SCHIP1: variants seen among roughly 807,000 people sequenced by gnomAD.
SCHIP1 encodes schwannomin interacting protein 1.
In SCHIP1, 8 loss-of-function variants were observed where a neutral mutation model predicts 29.7. The ratio of observed to expected loss-of-function variants is 0.27; its 90% CI spans 0.16 to 0.49. SCHIP1 has a LOEUF of 0.49. Among genes scored for constraint, SCHIP1 ranks in the 20% least tolerant of loss-of-function variants. The pLI is 0.99. For synonymous variants in SCHIP1, 76 were observed against 94.9 expected, an observed-to-expected ratio of 0.80 and a Z score of 1.16; for missense variants, 193 against 294.6, an observed-to-expected ratio of 0.66 and a Z score of 2.52.
the SCHIP1 span, among the ~76,000 whole-genome samples, chr3:159,418,870 G>A: frequency 2.0e-5 from 3 of 152,190 alleles, no homozygotes; most frequent in Non-Finnish European, 4.4e-5. Context: ...TTGATGTTAG[G>A]TAATGAAAAG....
chr3:159,729,160 A>G, the SCHIP1 span, among the ~76,000 whole-genome samples: 6 of 152,002 alleles, frequency 3.9e-5, no homozygotes, highest in African/African-American at 1.5e-4. Context: ...AAAAGAAAAG[A>G]AAAGAAAAAA....
chr3:159,488,038 T>C, the SCHIP1 span, among the ~76,000 whole-genome samples: 4 of 152,164 alleles, frequency 2.6e-5, no homozygotes, highest in Non-Finnish European at 5.9e-5. Context: ...TCCAAGAACC[T>C]GGCATGATGC....
At chr3:159,686,427 TG>T in the SCHIP1 span, among the ~76,000 whole-genome samples, 9 of 152,172 alleles carry the variant, frequency 5.9e-5, no homozygotes, top group Admixed American at 5.9e-4. Context: ...TGTTTTCAAG[TG>T]CTACGAGTAA....
the SCHIP1 span, among the ~76,000 whole-genome samples, chr3:159,732,059 T>C: frequency 6.6e-6 from 1 of 152,200 alleles, no homozygotes; most frequent in Non-Finnish European, 1.5e-5. Context: ...TTGGCCAGGC[T>C]GGTCCCGAAC....
chr3:159,370,073 T>A, the SCHIP1 span, among the ~76,000 whole-genome samples: 41 of 152,198 alleles, frequency 2.7e-4, no homozygotes, highest in Non-Finnish European at 5.4e-4. Context: ...TTTCTACACA[T>A]GCACATTTAT....
At chr3:159,399,487 T>C in the SCHIP1 span, among the ~76,000 whole-genome samples, 1 of 152,146 alleles carries the variant, frequency 6.6e-6, no homozygotes, top group South Asian at 2.1e-4. Context: ...TCTCAATAAA[T>C]ATTTGTTGTC....
chr3:159,697,838 A>T, the SCHIP1 span, among the ~76,000 whole-genome samples: 1 of 152,268 alleles, frequency 6.6e-6, no homozygotes, highest in Non-Finnish European at 1.5e-5. Context: ...GCATAGTTAC[A>T]GTCCAAAAAT....
chr3:159,886,318 TC>T lies in SCHIP1; in HGVS notation c.264del (p.Met89Ter). On this transcript the variant is annotated frameshift_variant, in exon 3 of 7. Transcript: ENST00000445224. LOFTEE classifies it high-confidence loss of function. ...AAACCAGCTTGGACACCCCCTTGTC[TC>T]CCATGGTGAGTCCAAACAGCACCAG... The T allele has an allele frequency of 6.2e-7, 1 of 1,613,860 alleles. No homozygotes were observed. Among genetic ancestry groups the T allele is most frequent in the Non-Finnish European group, 8.5e-7 (1 of 1,179,838 alleles).
the SCHIP1 span, among the ~76,000 whole-genome samples, chr3:159,556,804 A>G: frequency 6.7e-6 from 1 of 149,366 alleles, no homozygotes; most frequent in African/African-American, 2.5e-5. Flanking sequence ...GCATTAGGAG[A>G]TATACCTAAT....
the SCHIP1 span, among the ~76,000 whole-genome samples, chr3:159,474,168 T>C: frequency 6.6e-6 from 1 of 152,162 alleles, no homozygotes. Flanking sequence ...TATATAGATA[T>C]GAGACCAAAA....
chr3:159,535,046 A>G, the SCHIP1 span, among the ~76,000 whole-genome samples: 186 of 152,266 alleles, frequency 1.2e-3, no homozygotes, highest in African/African-American at 4.1e-3. Context: ...CTGTTCCCTC[A>G]ACTGTGAAAT....
the SCHIP1 span, among the ~76,000 whole-genome samples, chr3:159,321,693 T>A: frequency 6.6e-6 from 1 of 152,166 alleles, no homozygotes; most frequent in African/African-American, 2.4e-5. Flanking sequence ...TATTTATTTT[T>A]TAAAATGATT....
the SCHIP1 span, among the ~76,000 whole-genome samples, chr3:159,789,162 A>G: frequency 6.6e-6 from 1 of 152,094 alleles, no homozygotes; most frequent in Non-Finnish European, 1.5e-5. Context: ...GATTTTAAAG[A>G]ACTGGTTCAT....
chr3:159,593,687 A>G, the SCHIP1 span, among the ~76,000 whole-genome samples: 1 of 147,772 alleles, frequency 6.8e-6, no homozygotes, highest in East Asian at 1.9e-4. Flanking sequence ...GCTGCCACCC[A>G]TTGTAGAAGA....
the SCHIP1 span, among the ~76,000 whole-genome samples, chr3:159,648,355 C>A: frequency 1.3e-5 from 2 of 152,120 alleles, no homozygotes; most frequent in Non-Finnish European, 2.9e-5. Flanking sequence ...AGAGCCCTGT[C>A]TCTACCACCT....
intron 1 of SCHIP1, among the ~76,000 whole-genome samples, chr3:159,844,932 T>C (rs1276004488): frequency 1.3e-5 from 2 of 152,218 alleles, no homozygotes; most frequent in Non-Finnish European, 2.9e-5. Context: ...ACACTCATCT[T>C]TTTCCTCCCT....
chr3:159,483,496 C>A, the SCHIP1 span, among the ~76,000 whole-genome samples: 3 of 152,170 alleles, frequency 2.0e-5, 1 homozygote, highest in African/African-American at 7.2e-5. Context: ...TGCTAAGGAG[C>A]CCCTGATAAA....
the SCHIP1 span, among the ~76,000 whole-genome samples, chr3:159,750,257 GTGTGTGTATATA>G: frequency 6.3e-3 from 852 of 135,098 alleles, 11 homozygotes; most frequent in African/African-American, 0.025. Flanking sequence ...GTGTGTATGT[GTGTGTGTATATA>G]TATATATATA....
At chr3:159,334,900 CTT>C in the SCHIP1 span, among the ~76,000 whole-genome samples, 63 of 146,068 alleles carry the variant, frequency 4.3e-4, no homozygotes, top group African/African-American at 1.0e-3. Context: ...TCTTCTTCTT[CTT>C]TTTTTTTTTT....
Sources: gnomAD v4.1 joint callset for allele counts (sites outside exome capture counted in the v4.1 genomes callset) on GRCh38, gnomAD v4.1.1 for gene constraint, MANE v1.5 for transcripts, NCBI Gene and HGNC (gene_info 2026-07-23, HGNC 2026-07-21) for gene names.